Variants in CACNA1C observed in about 807,000 individuals in gnomAD.
CACNA1C encodes the protein calcium voltage-gated channel subunit alpha1 C.
A neutral mutation model predicts 229.0 loss-of-function variants in CACNA1C; 30 were observed. The observed-to-expected ratio is 0.13, with a 90% CI of 0.10 to 0.18. CACNA1C has a LOEUF of 0.18. CACNA1C is among the 10% of genes least tolerant of loss of function. CACNA1C has a pLI of 1.00. For synonymous variants in CACNA1C, 1,114 were observed against 1,132.5 expected, an observed-to-expected ratio of 0.98 and a Z score of 0.33; for missense variants, 1,658 against 2,845.0, an observed-to-expected ratio of 0.58 and a Z score of 9.49.
intron 9 of CACNA1C, among the ~76,000 whole-genome samples, chr12:2,546,378 C>CAGTAGCTGATGTCTTCACACTATT (rs2099881208): frequency 4.8e-5 from 5 of 103,826 alleles, no homozygotes; most frequent in East Asian, 2.8e-4. Flanking sequence ...TTCACACTCT[C>CAGTAGCTGATGTCTTCACACTATT]CTGTGCAGTT....
chr12:2,413,157 A>G (rs1595615076), intron 3 of CACNA1C, among the ~76,000 whole-genome samples: 1 of 151,940 alleles, frequency 6.6e-6, no homozygotes, highest in Admixed American at 6.6e-5. Context: ...ACCTGGGACT[A>G]CAGGTGTGTA....
Position 2,666,564 on chromosome 12 carries a change from C to T in CACNA1C, c.4527-122C>T. On this transcript the variant is annotated intron_variant, in intron 36 of 46. Coordinates refer to ENST00000399655, the MANE Select transcript of CACNA1C (RefSeq NM_000719.7). The surrounding 1 kb of genome is among the most constrained non-coding windows in gnomAD (Gnocchi z 5.3). Reference sequence around the variant, plus strand: ...TCTGTACTGAGTGTGACTAATAGGGCTACCACACTGTGCAGTGTTGCCCAT... The same window carrying T: ...TCTGTACTGAGTGTGACTAATAGGGTTACCACACTGTGCAGTGTTGCCCAT... The T allele has an allele frequency of 6.4e-6, 4 of 621,346 alleles. No individual in the cohort carries two copies. 38.5% of individuals were successfully genotyped at this position (621,346 alleles called of 1,614,324 possible). A position where few individuals can be genotyped will look rare whatever the true frequency, so the allele number is the denominator to read the frequency against.
intron 3 of CACNA1C, among the ~76,000 whole-genome samples, chr12:2,308,749 TGAAGGTAC>T (rs1472394307): frequency 5.9e-5 from 9 of 152,338 alleles, no homozygotes; most frequent in Non-Finnish European, 1.3e-4. Context: ...ACAGGCATAT[TGAAGGTAC>T]TCAACCTTAC....
chr12:2,012,495 T>C (rs1326991055), intron 1 of CACNA1C, among the ~76,000 whole-genome samples: 8 of 152,232 alleles, frequency 5.3e-5, no homozygotes, highest in Non-Finnish European at 1.2e-4. Flanking sequence ...TATCTAGTCC[T>C]TTACAGAAAA....
At position 2,462,593 on chromosome 12, in the gene CACNA1C, C is replaced by A. The variant is rs143203394; in HGVS notation, c.757+4887C>A. Among the ~76,000 whole-genome samples, 7 of 152,336 alleles carry A rather than the reference C, an allele frequency of 4.6e-5. No homozygotes were observed. In the East Asian group the frequency reaches 9.7e-4, roughly 21 times the overall value. On this transcript the variant is annotated intron_variant, in intron 5 of 46. Transcript: ENST00000399655. Reference sequence around the variant, plus strand: ...CACCGACAATAAAGGTGATAAATATCTGTAGAATGAGCAAACATGGTTACA... The same window carrying A: ...CACCGACAATAAAGGTGATAAATATATGTAGAATGAGCAAACATGGTTACA...
rs151334808 is a variant in CACNA1C at position 2,175,932 on chromosome 12, C to A, written c.477+55502C>A. Among the ~76,000 whole-genome samples, 120 of 152,270 alleles carry A rather than the reference C, an allele frequency of 7.9e-4. 1 individual carries two copies. Among genetic ancestry groups the A allele is most frequent in the African/African-American group, 2.6e-3 (110 of 41,556 alleles). On this transcript the variant is annotated intron_variant, in intron 3 of 46. Transcript: ENST00000399655. ...TTCCTGCTATATGCTGGGTATCGTT[C>A]TAACATCCTGATGGTTCAGCAGTGA...
chr12:2,489,783 C>T lies in CACNA1C; in HGVS notation c.917-3407C>T, dbSNP rs4765949. ...ACTGCGTTTCTAACTCTCTCCTAATCGTCACCTCCATTATTTTACCGAAAA... is the reference window on the plus strand; with the variant it reads ...ACTGCGTTTCTAACTCTCTCCTAATTGTCACCTCCATTATTTTACCGAAAA... On this transcript the variant is annotated intron_variant, in intron 6 of 46. Transcript: ENST00000399655. Among the ~76,000 whole-genome samples the T allele has an allele frequency of 0.011, 1,694 of 152,330 alleles. 120 individuals are homozygous for T. The East Asian group carries it at 0.21, about 19-fold the overall frequency.
At chr12:2,584,655 G>T in intron 16 of CACNA1C, 38 bp downstream of exon 16, 1 of 1,353,692 alleles carries the variant, frequency 7.4e-7, no homozygotes, top group Non-Finnish European at 1.0e-6. Flanking sequence ...GGGCTCCAGG[G>T]CTCCCATTGT....
At chr12:2,110,671 G>A (rs181421521) in intron 1 of CACNA1C, among the ~76,000 whole-genome samples, 37 of 152,262 alleles carry the variant, frequency 2.4e-4, no homozygotes, top group African/African-American at 8.7e-4. Flanking sequence ...GGGAGTCTTC[G>A]GTAGTTGTGC....
chr12:2,048,156 A>G (rs1012177567), upstream of CACNA1C, among the ~76,000 whole-genome samples: 22 of 152,116 alleles, frequency 1.4e-4, no homozygotes, highest in African/African-American at 4.8e-4. Flanking sequence ...CTCCACAAAT[A>G]CCTGTTGTGG....
At chr12:2,041,174 A>G (rs16929041) in intron 1 of CACNA1C, among the ~76,000 whole-genome samples, 2,189 of 152,028 alleles carry the variant, frequency 0.014, 58 homozygotes, top group African/African-American at 0.05. Context: ...AAACATACTT[A>G]AAATTGAGTG....
At chr12:2,185,936 C>T (rs2096985942) in intron 3 of CACNA1C, among the ~76,000 whole-genome samples, 1 of 152,218 alleles carries the variant, frequency 6.6e-6, no homozygotes, top group South Asian at 2.1e-4. Context: ...TGTCCCGTGC[C>T]GAGCGCCCAA....
intron 1 of CACNA1C, among the ~76,000 whole-genome samples, chr12:2,004,959 G>C (rs1467015656): frequency 2.2e-5 from 2 of 91,778 alleles, no homozygotes; most frequent in East Asian, 3.5e-4. Context: ...GGATCTGCAA[G>C]GTCAAAAAAA....
intron 1 of CACNA1C, among the ~76,000 whole-genome samples, chr12:2,086,832 A>G (rs1441839308): frequency 3.3e-5 from 5 of 152,180 alleles, no homozygotes; most frequent in African/African-American, 9.7e-5. Flanking sequence ...TGCACATTTC[A>G]CTGGCCAGAA....
Position 2,138,120 on chromosome 12 carries a change from C to T in CACNA1C, c.477+17690C>T, listed in dbSNP as rs1051847706. On this transcript the variant is annotated intron_variant, in intron 3 of 46. Coordinates refer to ENST00000399655, the MANE Select transcript of CACNA1C (RefSeq NM_000719.7). ...GGGAAAACCCCAGGGCTTTTATTAT[C>T]TGGGCTCTCGGGCACACAGTCAGAA... Among the ~76,000 whole-genome samples, 19 of 151,644 alleles carry T rather than the reference C, an allele frequency of 1.3e-4. 1 individual carries two copies. Among genetic ancestry groups the T allele is most frequent in the Middle Eastern group, 6.8e-3 (2 of 294 alleles).
At chr12:2,065,979 G>C (rs556748981) in intron 1 of CACNA1C, among the ~76,000 whole-genome samples, 1 of 152,226 alleles carries the variant, frequency 6.6e-6, no homozygotes, top group Non-Finnish European at 1.5e-5. Flanking sequence ...CATGGCATTT[G>C]GTAGGCAATG....
rs967657026 is a variant in CACNA1C, at chr12:2,456,346, C to T, written c.618-1221C>T. Among the ~76,000 whole-genome samples, 11 of 152,362 alleles carry T rather than the reference C, an allele frequency of 7.2e-5. No individual in the cohort carries two copies. In the South Asian group the frequency reaches 1.2e-3, roughly 17 times the overall value. ...CGCAGCTGGTCTCTGGCCTCGCCCC[C>T]GACAGGGGAGTCTCCCACAACAGCA... On this transcript the variant is annotated intron_variant, in intron 4 of 46. Coordinates refer to ENST00000399655, the MANE Select transcript of CACNA1C (RefSeq NM_000719.7).
At chr12:2,337,684 C>T (rs1001184896) in intron 3 of CACNA1C, among the ~76,000 whole-genome samples, 1 of 152,176 alleles carries the variant, frequency 6.6e-6, no homozygotes, top group African/African-American at 2.4e-5. Context: ...TAACAAAGCA[C>T]TTTAAATGCA....
At chr12:2,624,012 G>C (rs1325897054) in intron 29 of CACNA1C, among the ~76,000 whole-genome samples, 4 of 152,228 alleles carry the variant, frequency 2.6e-5, no homozygotes, top group African/African-American at 9.6e-5. Context: ...AGTGTGCTCA[G>C]ACAGTTCAGT....
Sources: gnomAD v4.1 joint callset for allele counts (sites outside exome capture counted in the v4.1 genomes callset) on GRCh38, gnomAD v4.1.1 for gene constraint, Gnocchi (gnomAD v3.1) non-coding constraint, MANE v1.5 for transcripts, NCBI Gene and HGNC (gene_info 2026-07-23, HGNC 2026-07-21) for gene names.